CALN1: variants seen among roughly 807,000 people sequenced by gnomAD.
The protein encoded by CALN1 is calcium-binding protein 8.
A neutral mutation model predicts 30.6 loss-of-function variants in CALN1; 17 were observed. The observed-to-expected ratio is 0.56, with a 90% confidence interval of 0.38 to 0.83. The LOEUF is 0.83. Ranked by LOEUF, CALN1 falls within the 40% of genes least tolerant of loss-of-function variation. The probability of loss-of-function intolerance (pLI) is 0.00; values close to 1 mark genes in which losing one functional copy is unlikely to be tolerated. For synonymous variants in CALN1, 156 were observed against 131.4 expected, an observed-to-expected ratio of 1.19 and a Z score of -1.28; for missense variants, 291 against 354.9, an observed-to-expected ratio of 0.82 and a Z score of 1.45.
intron 2 of CALN1, among the ~76,000 whole-genome samples, chr7:72,370,005 A>C (rs1454456223): frequency 6.6e-6 from 1 of 152,032 alleles, no homozygotes; most frequent in Non-Finnish European, 1.5e-5. Flanking sequence ...TGTACATCAT[A>C]CAAAAAATGT....
At chr7:72,000,535 T>C (rs1799472255) in intron 5 of CALN1, among the ~76,000 whole-genome samples, 1 of 151,868 alleles carries the variant, frequency 6.6e-6, no homozygotes, top group South Asian at 2.1e-4. Context: ...TTTAAAAGAT[T>C]TTGAAAAAAA....
chr7:72,341,487 C>T (rs1264165932), intron 2 of CALN1, among the ~76,000 whole-genome samples: 1 of 152,186 alleles, frequency 6.6e-6, no homozygotes, highest in Non-Finnish European at 1.5e-5. Flanking sequence ...TGTGCTACTG[C>T]ACTCCAGTCT....
chr7:72,287,209 T>C (rs1263439933), intron 2 of CALN1, among the ~76,000 whole-genome samples: 1 of 152,114 alleles, frequency 6.6e-6, no homozygotes, highest in Non-Finnish European at 1.5e-5. Context: ...CTCTATTCTT[T>C]CACTTCCCTC....
At position 71,782,769 on chromosome 7, in the gene CALN1, G is replaced by A. The variant is rs887473733; in HGVS notation, c.*5006C>T. ...TTTTAAAATTATTTTTTGAGATGAA[G>A]TTTTGCTCTGTTGCCCAGGCTGGAG... On this transcript the variant is annotated 3_prime_UTR_variant, in exon 7 of 7. Transcript: ENST00000395275. 6 of 152,118 alleles carry A rather than the reference G, an allele frequency of 3.9e-5. No individual in the cohort carries two copies. The highest frequency in any genetic ancestry group is 1.4e-4 in the African/African-American group (6 of 41,418). The allele number at this position is 152,118 out of a possible 1,614,324, so 9.4% of individuals were successfully genotyped here.
intron 4 of CALN1, among the ~76,000 whole-genome samples, chr7:72,056,483 T>C (rs1206782359): frequency 6.6e-6 from 1 of 151,994 alleles, no homozygotes; most frequent in Admixed American, 6.6e-5. Flanking sequence ...GGTAAAGAAC[T>C]TGAAAGGAAA....
At chr7:72,223,802 G>A (rs1351465025) in intron 3 of CALN1, among the ~76,000 whole-genome samples, 1 of 152,188 alleles carries the variant, frequency 6.6e-6, no homozygotes, top group Non-Finnish European at 1.5e-5. Context: ...TAGACACCAT[G>A]GAATACTATG....
At chr7:71,856,979 A>T (rs1790983974) in intron 5 of CALN1, among the ~76,000 whole-genome samples, 1 of 151,022 alleles carries the variant, frequency 6.6e-6, no homozygotes. Flanking sequence ...ATGAAATAAT[A>T]ATAATAACTG....
intron 5 of CALN1, among the ~76,000 whole-genome samples, chr7:71,985,573 C>T (rs1161073614): frequency 6.8e-6 from 1 of 146,302 alleles, no homozygotes; most frequent in African/African-American, 2.5e-5. Context: ...TCATGCTGTA[C>T]AGGTAGTTTT....
At chr7:72,410,912 C>CA (rs1807085902) in intron 1 of CALN1, among the ~76,000 whole-genome samples, 1 of 151,874 alleles carries the variant, frequency 6.6e-6, no homozygotes, top group African/African-American at 2.4e-5. Flanking sequence ...AGGCATTAAC[C>CA]AACATGATTA....
upstream of CALN1, among the ~76,000 whole-genome samples, chr7:72,413,659 A>G (rs1807322215): frequency 6.6e-6 from 1 of 152,044 alleles, no homozygotes; most frequent in Non-Finnish European, 1.5e-5. Flanking sequence ...ACTCACAGTT[A>G]TGCACACACT....
intron 3 of CALN1, among the ~76,000 whole-genome samples, chr7:72,210,702 T>A (rs568099525): frequency 6.6e-6 from 1 of 152,172 alleles, no homozygotes; most frequent in East Asian, 1.9e-4. Context: ...ACCACCCCCA[T>A]GTTTCAATTA....
chr7:72,442,562 G>A (rs1005523745), intron 1 of CALN1, among the ~76,000 whole-genome samples: 1 of 151,878 alleles, frequency 6.6e-6, no homozygotes, highest in African/African-American at 2.4e-5. Context: ...CTTTATTAAG[G>A]GTTGCGCTTA....
intron 4 of CALN1, among the ~76,000 whole-genome samples, chr7:72,043,678 G>C (rs1206109887): frequency 6.6e-6 from 1 of 152,198 alleles, no homozygotes; most frequent in East Asian, 1.9e-4. Flanking sequence ...GGTCGAGGCA[G>C]AAGGATCGCT....
intron 3 of CALN1, among the ~76,000 whole-genome samples, chr7:72,165,534 G>C (rs930799176): frequency 2.0e-5 from 3 of 151,738 alleles, no homozygotes; most frequent in African/African-American, 7.3e-5. Context: ...TATGCAGCAA[G>C]TTGAGATCAC....
intron 3 of CALN1, among the ~76,000 whole-genome samples, chr7:72,135,105 C>T (rs1322306451): frequency 6.6e-6 from 1 of 152,184 alleles, no homozygotes; most frequent in East Asian, 1.9e-4. Context: ...TTTTAACTCC[C>T]CTTCTCTTGC....
intron 2 of CALN1, among the ~76,000 whole-genome samples, chr7:72,363,779 T>G (rs1803710293): frequency 7.1e-6 from 1 of 139,864 alleles, no homozygotes. Context: ...CAGGCTGGAG[T>G]GCAGTGGCAC....
chr7:72,267,270 T>A (rs945360835), intron 3 of CALN1, among the ~76,000 whole-genome samples: 4 of 151,930 alleles, frequency 2.6e-5, no homozygotes, highest in African/African-American at 9.7e-5. Flanking sequence ...CAAGAAAACG[T>A]AGGATGGACC....
In CALN1 at chr7:71,852,084, T is replaced by C. The variant is rs576895653; in HGVS notation, c.502-41592A>G. Among the ~76,000 whole-genome samples the C allele has an allele frequency of 7.9e-5, 12 of 152,306 alleles. No homozygotes were observed. In the South Asian group the frequency reaches 1.5e-3, roughly 18 times the overall value. Reference sequence around the variant, plus strand: ...GAGCCAGGTGGAATGGTTTCGATATTCATCCATGTCATTAGAACATGATTA... The same window carrying C: ...GAGCCAGGTGGAATGGTTTCGATATCCATCCATGTCATTAGAACATGATTA... On this transcript the variant is annotated intron_variant, in intron 5 of 6. Coordinates refer to ENST00000395275, the MANE Select transcript of CALN1 (RefSeq NM_031468.4).
chr7:71,831,871 C>CAAAAAAAA (rs751078568), intron 5 of CALN1, among the ~76,000 whole-genome samples: 8 of 20,876 alleles, frequency 3.8e-4, no homozygotes, highest in Admixed American at 2.2e-3. Flanking sequence ...AACCCTGCCT[C>CAAAAAAAA]AAAAAAAAAA....
Sources: allele counts gnomAD v4.1 joint callset (sites outside exome capture counted in the v4.1 genomes callset), GRCh38; gene constraint gnomAD v4.1.1; transcripts MANE v1.5; gene names NCBI Gene and HGNC (gene_info 2026-07-23, HGNC 2026-07-21).